SLC6A16: variants seen among roughly 807,000 people sequenced by gnomAD.
The protein encoded by SLC6A16 is orphan sodium- and chloride-dependent neurotransmitter transporter NTT5.
Under a neutral mutation model 65.4 loss-of-function variants are expected in SLC6A16, and 54 were observed. The observed-to-expected ratio is 0.83, with a 90% CI of 0.66 to 1.04. The LOEUF is 1.04. SLC6A16 is among the 50% of genes least tolerant of loss of function. SLC6A16 has a pLI of 0.00. For missense variants in SLC6A16, 816 were observed against 914.0 expected (o/e 0.89, Z 1.38); for synonymous variants, 330 against 346.5 (o/e 0.95, Z 0.53).
Position 49,290,034 on chromosome 19 carries a change from C to T in SLC6A16, c.*89G>A. ...TTGGAAATAAAAGTGGTTCTGGATC[C>T]AGGGAGATCAACAGTTGCAAGCTGA... On this transcript the variant is annotated 3_prime_UTR_variant, in exon 12 of 12. Transcript: ENST00000335875. 7.3e-7 allele frequency: 1 copy of T among 1,376,648 alleles called. No homozygotes were observed. The highest frequency in any genetic ancestry group is 1.0e-6 in the Non-Finnish European group (1 of 1,002,166). The allele number at this position is 1,376,648 out of a possible 1,614,324, so 85.3% of individuals were successfully genotyped here.
At chr19:49,314,314 G>A (rs1304814304) in intron 1 of SLC6A16, among the ~76,000 whole-genome samples, 2 of 152,054 alleles carry the variant, frequency 1.3e-5, no homozygotes, top group Non-Finnish European at 2.9e-5. Context: ...TACAACTCAG[G>A]AAAAGGAAAA....
chr19:49,335,470 TTCTCCCTG>T, the SLC6A16 span: 199 of 1,078,356 alleles, frequency 1.8e-4, no homozygotes, highest in Non-Finnish European at 2.7e-4. This position sits in a 1 kb window ranked among gnomAD's most constrained non-coding sequence, Gnocchi z 4.6. Flanking sequence ...GCCTCTTTCT[TTCTCCCTG>T]TCTCCCCCAC....
intron 7 of SLC6A16, among the ~76,000 whole-genome samples, chr19:49,300,780 G>T (rs144577460): frequency 0.012 from 1,778 of 152,194 alleles, 20 homozygotes; most frequent in South Asian, 0.045. Context: ...GGCCGGGCGC[G>T]GTGGCTCATG....
At chr19:49,340,142 T>TG in the SLC6A16 span, 30 of 1,515,336 alleles carry the variant, frequency 2.0e-5, no homozygotes, top group Admixed American at 5.2e-5. Flanking sequence ...TCCAGCCCCT[T>TG]CCCGCCCAAT....
chr19:49,290,279 C>T lies in SLC6A16; in HGVS notation c.2055G>A (p.Arg685=). ...PAYFVYCRIH[R]IPFRPKSGDG... ...CTCCGCTCTTGGGCCTGAAGGGAAT[C>T]CTATGTATGCGGCAGTATACAAAGT... The change falls in exon 12 of 12, where the codon AGG becomes AGA. Residue 685 remains arginine, a synonymous_variant. Transcript: ENST00000335875. 1 of 1,613,948 alleles carries T rather than the reference C, an allele frequency of 6.2e-7. No individual in the cohort carries two copies. The highest frequency in any genetic ancestry group is 8.5e-7 in the Non-Finnish European group (1 of 1,180,000).
chr19:49,319,411 G>GTA (rs924716649), intron 1 of SLC6A16, among the ~76,000 whole-genome samples: 47 of 146,898 alleles, frequency 3.2e-4, no homozygotes, highest in South Asian at 8.5e-4. Flanking sequence ...ATGTGTGTGT[G>GTA]TATATATATA....
At chr19:49,313,208 C>A (rs1436142188) in intron 1 of SLC6A16, among the ~76,000 whole-genome samples, 1 of 151,966 alleles carries the variant, frequency 6.6e-6, no homozygotes, top group African/African-American at 2.4e-5. Flanking sequence ...GTCACCCAGG[C>A]TGGAATGCAG....
chr19:49,333,455 G>A, the SLC6A16 span, among the ~76,000 whole-genome samples: 1 of 152,226 alleles, frequency 6.6e-6, no homozygotes, highest in Non-Finnish European at 1.5e-5. Context: ...TGGGCGAAGA[G>A]TGAGACTCTG....
chr19:49,340,217 T>A, the SLC6A16 span: 3 of 1,590,502 alleles, frequency 1.9e-6, no homozygotes, highest in Non-Finnish European at 2.6e-6. Flanking sequence ...CAGCACCCCT[T>A]CGACTTCTCT....
Position 49,290,656 on chromosome 19 carries a change from C to T in SLC6A16, c.1890G>A (p.Met630Ile), listed in dbSNP as rs1475060441. Residue 630 changes from methionine (M) to isoleucine (I), a missense_variant, in exon 11 of 12, where the codon ATG becomes ATA. Coordinates refer to ENST00000335875, the MANE Select transcript of SLC6A16 (RefSeq NM_014037.3). Reference protein sequence around the residue: ...VVLLIIFVTMMVHLCMKPITY... With the variant: ...VVLLIIFVTMIVHLCMKPITY... ...TGATCGGCTTCATACAAAGATGAAC[C>T]ATCATGGTCACAAAGATGATTAGCA... 2 of 1,613,972 alleles carry T rather than the reference C, an allele frequency of 1.2e-6. No individual in the cohort carries two copies. Among genetic ancestry groups the T allele is most frequent in the African/African-American group, 2.7e-5 (2 of 74,902 alleles).
Position 49,290,340 on chromosome 19 carries a change from G to A in SLC6A16, c.1994C>T (p.Thr665Ile). 1.9e-6 allele frequency: 3 copies of A among 1,614,056 alleles called. No individual in the cohort carries two copies. Among genetic ancestry groups the A allele is most frequent in the Non-Finnish European group, 2.5e-6 (3 of 1,180,000 alleles). ...YPPWALLLMI[T>I]LFAIVILPIP... is the part of the protein sequence containing the mutation. ...GGGGAGGATGACAATGGCAAAAAGG[G>A]TGATCATCAAGAGCAGTGCCCACGG... The change falls in exon 12 of 12, where the codon ACC (threonine) becomes ATC (isoleucine). Residue 665 changes from threonine (T) to isoleucine (I), a missense_variant. By Grantham distance (89) the Thr-to-Ile change is moderately conservative. Transcript: ENST00000335875.
chr19:49,309,488 T>C, intron 5 of SLC6A16, 77 bp from the exon 6 acceptor site: 1 of 1,354,822 alleles, frequency 7.4e-7, no homozygotes, highest in Non-Finnish European at 1.0e-6. Flanking sequence ...TCAAAAGTTC[T>C]GAGTCAGAAA....
At chr19:49,336,135 A>T in the SLC6A16 span, 2 of 319,432 alleles carry the variant, frequency 6.3e-6, no homozygotes, top group African/African-American at 4.2e-5. Flanking sequence ...TAACATTAAT[A>T]ATAGGAAAAT....
At chr19:49,296,180 T>C (rs997948201) in intron 7 of SLC6A16, among the ~76,000 whole-genome samples, 2 of 152,036 alleles carry the variant, frequency 1.3e-5, no homozygotes, top group African/African-American at 4.8e-5. Flanking sequence ...AGAGACAGGG[T>C]TTCATCGTGT....
chr19:49,311,772 C>A (rs1970527718), intron 1 of SLC6A16, among the ~76,000 whole-genome samples: 3 of 150,896 alleles, frequency 2.0e-5, no homozygotes, highest in Non-Finnish European at 3.0e-5. Flanking sequence ...TCGCTTGAAC[C>A]CAGGAGGCGT....
chr19:49,332,527 C>T, the SLC6A16 span, among the ~76,000 whole-genome samples: 1 of 152,154 alleles, frequency 6.6e-6, no homozygotes, highest in Non-Finnish European at 1.5e-5. Flanking sequence ...CACAGCACTC[C>T]AGCCTGGGTG....
intron 7 of SLC6A16, among the ~76,000 whole-genome samples, chr19:49,296,492 T>C (rs901119206): frequency 6.6e-6 from 1 of 152,206 alleles, no homozygotes; most frequent in Non-Finnish European, 1.5e-5. Flanking sequence ...AGAAACATAT[T>C]GTGGACAACT....
chr19:49,318,530 CA>C (rs1374013582), intron 1 of SLC6A16, among the ~76,000 whole-genome samples: 1 of 151,930 alleles, frequency 6.6e-6, no homozygotes, highest in African/African-American at 2.4e-5. Context: ...ACTAGACATG[CA>C]AAAAAGCAGG....
At chr19:49,329,972 A>G (rs561374787), upstream of SLC6A16, among the ~76,000 whole-genome samples, 1 of 152,164 alleles carries the variant, frequency 6.6e-6, no homozygotes, top group Non-Finnish European at 1.5e-5. Flanking sequence ...GTTTTTTAAT[A>G]GCCAGGTGTG....
Sources: gnomAD v4.1 joint callset for allele counts (sites outside exome capture counted in the v4.1 genomes callset) on GRCh38, gnomAD v4.1.1 for gene constraint, Gnocchi (gnomAD v3.1) non-coding constraint, MANE v1.5 for transcripts, NCBI Gene and HGNC (gene_info 2026-07-23, HGNC 2026-07-21) for gene names.